Variants in PPM1L observed in about 807,000 individuals in gnomAD.
PPM1L encodes the protein protein phosphatase 1L.
Under a neutral mutation model 31.4 loss-of-function variants are expected in PPM1L, and 13 were observed. The ratio of observed to expected loss-of-function variants is 0.41; its 90% CI spans 0.27 to 0.66. The LOEUF is 0.66. Ranked by LOEUF, PPM1L falls within the 30% of genes least tolerant of loss-of-function variation. The pLI, the probability that PPM1L is intolerant of heterozygous loss-of-function variation, is 0.29. For synonymous variants in PPM1L, 184 were observed against 175.4 expected (o/e 1.05, Z -0.39); for missense variants, 326 against 453.7 (o/e 0.72, Z 2.56).
At position 160,757,050 on chromosome 3, in the gene PPM1L, C is replaced by T. The variant is rs539048034; in HGVS notation, c.399+343C>T. ...TTAGCAAGGAGAATTAATGGTATCT[C>T]CAGTGAACTTTGGTCCCAGACCCCA... On this transcript the variant is annotated intron_variant, in intron 1 of 3. Coordinates refer to ENST00000498165, the MANE Select transcript of PPM1L (RefSeq NM_139245.4). 3.9e-5 allele frequency among the ~76,000 whole-genome samples: 6 copies of T among 152,272 alleles called. No individual in the cohort carries two copies. The South Asian group carries it at 1.2e-3, about 32-fold the overall frequency.
intron 2 of PPM1L, among the ~76,000 whole-genome samples, chr3:161,051,838 G>A (rs868835422): frequency 7.9e-5 from 12 of 152,138 alleles, no homozygotes; most frequent in African/African-American, 2.7e-4. Flanking sequence ...ACCTGCCAAT[G>A]GCATGCTTTA....
chr3:161,005,177 T>C (rs559368758), intron 2 of PPM1L, among the ~76,000 whole-genome samples: 2 of 152,338 alleles, frequency 1.3e-5, no homozygotes, highest in East Asian at 1.9e-4. Flanking sequence ...CCAGTAGTCA[T>C]TCAGGAGCAG....
chr3:160,918,403 A>G (rs1714266253), intron 1 of PPM1L, among the ~76,000 whole-genome samples: 2 of 152,382 alleles, frequency 1.3e-5, no homozygotes, highest in South Asian at 4.1e-4. Flanking sequence ...GAAAAGCAGC[A>G]TGCTAAAACC....
chr3:161,013,931 G>A (rs1717983088), intron 2 of PPM1L, among the ~76,000 whole-genome samples: 3 of 152,112 alleles, frequency 2.0e-5, no homozygotes, highest in African/African-American at 7.2e-5. Context: ...CACATGAAAT[G>A]GGTCTCCTGA....
intron 1 of PPM1L, among the ~76,000 whole-genome samples, chr3:160,758,375 ATTCC>A (rs1436765631): frequency 6.6e-6 from 1 of 152,112 alleles, no homozygotes; most frequent in African/African-American, 2.4e-5. Flanking sequence ...GGAAGCTGTG[ATTCC>A]TTCCTTTGTA....
intron 2 of PPM1L, among the ~76,000 whole-genome samples, chr3:160,972,912 T>C (rs1716401521): frequency 6.6e-6 from 1 of 152,204 alleles, no homozygotes; most frequent in Non-Finnish European, 1.5e-5. Flanking sequence ...TGAGATGGTA[T>C]CTCACTGTGG....
chr3:160,880,835 C>T (rs1318841529), intron 1 of PPM1L, among the ~76,000 whole-genome samples: 1 of 152,144 alleles, frequency 6.6e-6, no homozygotes, highest in South Asian at 2.1e-4. Context: ...CACCCCTCTC[C>T]ACCCAGATTT....
intron 2 of PPM1L, among the ~76,000 whole-genome samples, chr3:161,051,884 A>G (rs935898916): frequency 6.6e-6 from 1 of 152,206 alleles, no homozygotes; most frequent in Non-Finnish European, 1.5e-5. Context: ...CGTATATCCC[A>G]TAATTTCCTG....
At chr3:160,949,213 G>T (rs531970815) in intron 1 of PPM1L, among the ~76,000 whole-genome samples, 1 of 152,232 alleles carries the variant, frequency 6.6e-6, no homozygotes, top group Non-Finnish European at 1.5e-5. Flanking sequence ...CCCCTGTATG[G>T]AGCTAATAAG....
At chr3:160,963,580 A>G (rs1716037141) in intron 2 of PPM1L, among the ~76,000 whole-genome samples, 1 of 152,080 alleles carries the variant, frequency 6.6e-6, no homozygotes, top group South Asian at 2.1e-4. Context: ...AAATGGCTGA[A>G]ATTTTCCATG....
At chr3:160,989,015 A>C (rs1265858785) in intron 2 of PPM1L, among the ~76,000 whole-genome samples, 1 of 152,182 alleles carries the variant, frequency 6.6e-6, no homozygotes, top group Non-Finnish European at 1.5e-5. Flanking sequence ...AACCCAATGT[A>C]TTGATTAAAG....
In PPM1L at chr3:160,756,631, G is replaced by A. The variant is rs1377069744; in HGVS notation, c.323G>A (p.Arg108His). ...GGCCGGAGAGACCACATGGAGGACCGCTTCGAAGTTCTCACGGATCTGGCC... is the reference window on the plus strand; with the variant it reads ...GGCCGGAGAGACCACATGGAGGACCACTTCGAAGTTCTCACGGATCTGGCC... ...IQGRRDHMED[R>H]FEVLTDLANK... The change falls in exon 1 of 4, where the codon CGC becomes CAC. Residue 108 changes from arginine to histidine, a missense_variant. This residue lies in a region of PPM1L where 83 missense variants were observed against 79.4 expected (regional missense o/e 1.04). Transcript: ENST00000498165. This position sits in a 1 kb window ranked among gnomAD's most constrained non-coding sequence, Gnocchi z 6.2. 6.2e-7 allele frequency: 1 copy of A among 1,614,150 alleles called. No homozygotes were observed. The highest frequency in any genetic ancestry group is 8.5e-7 in the Non-Finnish European group (1 of 1,180,024).
chr3:160,931,524 T>C (rs1714788489), intron 1 of PPM1L, among the ~76,000 whole-genome samples: 1 of 152,166 alleles, frequency 6.6e-6, no homozygotes, highest in Non-Finnish European at 1.5e-5. Flanking sequence ...ACATCACACA[T>C]TGTCATGCCC....
At chr3:160,773,018 C>T (rs192167996) in intron 1 of PPM1L, among the ~76,000 whole-genome samples, 2 of 152,168 alleles carry the variant, frequency 1.3e-5, no homozygotes, top group Admixed American at 6.5e-5. Context: ...CCTTCATGTA[C>T]AAGCCTTTGT....
chr3:160,814,711 A>ATGTATATG (rs1233679808), intron 1 of PPM1L, among the ~76,000 whole-genome samples: 14 of 149,366 alleles, frequency 9.4e-5, no homozygotes, highest in African/African-American at 3.5e-4. Flanking sequence ...GTGTATATAT[A>ATGTATATG]TGTGTATGTA....
In PPM1L at chr3:161,070,750, G is replaced by A. The variant is rs2279108; in HGVS notation, c.*1593G>A. 7,930 of 152,114 alleles carry A rather than the reference G, an allele frequency of 0.052. 275 individuals carry two copies. The highest frequency in any genetic ancestry group is 0.12 in the South Asian group (566 of 4,808). 9.4% of individuals were successfully genotyped at this position (152,114 alleles called of 1,614,324 possible). A position where few individuals can be genotyped will look rare whatever the true frequency, so the allele number is the denominator to read the frequency against. On this transcript the variant is annotated 3_prime_UTR_variant, in exon 4 of 4. Coordinates refer to ENST00000498165, the MANE Select transcript of PPM1L (RefSeq NM_139245.4). ...TGCCACATTCACCGGCCACCTCCTCGCCGTGGAACCCTGCCCTCTCCCCTC... is the reference window on the plus strand; with the variant it reads ...TGCCACATTCACCGGCCACCTCCTCACCGTGGAACCCTGCCCTCTCCCCTC...
At chr3:160,822,930 A>G (rs545184738) in intron 1 of PPM1L, among the ~76,000 whole-genome samples, 55 of 152,264 alleles carry the variant, frequency 3.6e-4, no homozygotes, top group Middle Eastern at 6.8e-3. Context: ...TAAGAAAAAT[A>G]AAATGAGATC....
intron 1 of PPM1L, among the ~76,000 whole-genome samples, chr3:160,836,316 AAGAGAGAGAGAGAG>A (rs113812255): frequency 6.8e-6 from 1 of 147,628 alleles, no homozygotes; most frequent in African/African-American, 2.5e-5. Context: ...GAAGGAAAGG[AAGAGAGAGAGAGAG>A]AGAGAGAGAG....
At chr3:160,843,785 A>T (rs576528747) in intron 1 of PPM1L, among the ~76,000 whole-genome samples, 2 of 152,138 alleles carry the variant, frequency 1.3e-5, no homozygotes, top group African/African-American at 4.8e-5. Context: ...TACTGGGTAT[A>T]TACCCAAAGG....
Sources: gnomAD v4.1 joint callset for allele counts (sites outside exome capture counted in the v4.1 genomes callset) on GRCh38, gnomAD v4.1.1 for gene constraint, gnomAD v4.1.1 regional missense constraint, Gnocchi (gnomAD v3.1) non-coding constraint, MANE v1.5 for transcripts, NCBI Gene and HGNC (gene_info 2026-07-23, HGNC 2026-07-21) for gene names.